Variants in ABL2 observed in about 807,000 individuals in gnomAD.
ABL2 encodes ABL proto-oncogene 2, non-receptor tyrosine kinase.
ABL2 carries 49 observed loss-of-function variants against 107.7 expected under a neutral mutation model. The ratio of observed to expected loss-of-function variants is 0.45; its 90% CI spans 0.36 to 0.58. The LOEUF (loss-of-function observed/expected upper bound fraction) is 0.58. Ranked by LOEUF, ABL2 falls within the 20% of genes least tolerant of loss-of-function variation. ABL2 has a pLI of 0.00. For missense variants in ABL2, 1,245 were observed against 1,457.0 expected (o/e 0.85, Z 2.37); for synonymous variants, 549 against 548.6 (o/e 1.00, Z -0.01).
intron 9 of ABL2, among the ~76,000 whole-genome samples, chr1:179,113,346 A>C (rs987119799): frequency 2.0e-5 from 3 of 152,220 alleles, no homozygotes; most frequent in Admixed American, 6.5e-5. Context: ...AAAAGAAGTA[A>C]AACCTGTCTT....
intron 1 of ABL2, among the ~76,000 whole-genome samples, chr1:179,156,835 G>A (rs138952313): frequency 4.6e-5 from 7 of 151,896 alleles, no homozygotes; most frequent in Non-Finnish European, 7.4e-5. Context: ...CTGAGATGGC[G>A]CCACTGCATT....
At chr1:179,110,184 G>C (rs1314181148) in intron 11 of ABL2, 98 bp downstream of exon 11, 5 of 1,410,896 alleles carry the variant, frequency 3.5e-6, no homozygotes, top group Non-Finnish European at 5.0e-6. Flanking sequence ...CTTTCCCCAG[G>C]GAGGACGGGC....
intron 1 of ABL2, among the ~76,000 whole-genome samples, chr1:179,134,421 CCATGGAGGCTG>C (rs1484714100): frequency 1.3e-5 from 2 of 151,514 alleles, no homozygotes; most frequent in African/African-American, 2.4e-5. Flanking sequence ...ATGGACTCGG[CCATGGAGGCTG>C]CGTGGAGGCT....
At chr1:179,129,170 C>A (rs1056046093) in intron 3 of ABL2, among the ~76,000 whole-genome samples, 1 of 151,978 alleles carries the variant, frequency 6.6e-6, no homozygotes, top group Non-Finnish European at 1.5e-5. Context: ...TTAAGAGAAA[C>A]CACTGTTGGT....
chr1:179,209,924 G>C (rs963503509), intron 1 of ABL2, among the ~76,000 whole-genome samples: 1 of 152,070 alleles, frequency 6.6e-6, no homozygotes, highest in Non-Finnish European at 1.5e-5. Context: ...ACCCAGACTG[G>C]AGTGCAGTGG....
At chr1:179,173,866 G>C (rs1162338666) in intron 1 of ABL2, among the ~76,000 whole-genome samples, 5 of 151,976 alleles carry the variant, frequency 3.3e-5, no homozygotes, top group Admixed American at 6.6e-5. Context: ...GAAAAAGAAT[G>C]AGATTTGAAC....
intron 1 of ABL2, among the ~76,000 whole-genome samples, chr1:179,191,285 T>C (rs912979006): frequency 5.9e-5 from 9 of 152,200 alleles, no homozygotes; most frequent in African/African-American, 9.7e-5. Flanking sequence ...CTGCCAGCTA[T>C]AAGGTAATAG....
chr1:179,154,374 A>G (rs1441586216), intron 1 of ABL2, among the ~76,000 whole-genome samples: 1 of 152,170 alleles, frequency 6.6e-6, no homozygotes, highest in African/African-American at 2.4e-5. Context: ...TTCTTCTCAC[A>G]AGGATCAAAC....
At position 179,136,340 on chromosome 1, in the gene ABL2, A is replaced by G. The variant is rs551441751; in HGVS notation, c.158-2966T>C. ...CTGTGTAGAAAGAGGTAGACATGGG[A>G]GACTTTTCATTTTGTTCTGTACTAA... On this transcript the variant is annotated intron_variant, in intron 1 of 11. Coordinates refer to ENST00000502732, the MANE Select transcript of ABL2 (RefSeq NM_007314.4). 8.3e-3 allele frequency among the ~76,000 whole-genome samples: 1,264 copies of G among 151,878 alleles called. 13 individuals are homozygous for G. Among genetic ancestry groups the G allele is most frequent in the South Asian group, 0.015 (74 of 4,816 alleles).
chr1:179,113,400 TA>T (rs1313198188), intron 9 of ABL2, among the ~76,000 whole-genome samples: 6 of 152,152 alleles, frequency 3.9e-5, no homozygotes, highest in Non-Finnish European at 8.8e-5. Flanking sequence ...CATTCAGAAA[TA>T]TAAAAGGATA....
intron 1 of ABL2, among the ~76,000 whole-genome samples, chr1:179,180,761 A>G (rs1162851828): frequency 6.6e-6 from 1 of 152,240 alleles, no homozygotes; most frequent in Non-Finnish European, 1.5e-5. Flanking sequence ...TTTAAAAGAA[A>G]AAAACCATCT....
intron 3 of ABL2, among the ~76,000 whole-genome samples, chr1:179,130,333 G>A (rs1421396532): frequency 6.6e-6 from 1 of 152,206 alleles, no homozygotes; most frequent in Non-Finnish European, 1.5e-5. Flanking sequence ...GCCTATCTGA[G>A]GACTGTTCAT....
intron 1 of ABL2, among the ~76,000 whole-genome samples, chr1:179,194,331 T>G (rs1661186480): frequency 6.6e-6 from 1 of 152,136 alleles, no homozygotes; most frequent in Non-Finnish European, 1.5e-5. Flanking sequence ...GCAAAGGAAG[T>G]TTTTATGGAA....
At chr1:179,223,375 A>G (rs1478067193) in intron 1 of ABL2, among the ~76,000 whole-genome samples, 2 of 150,966 alleles carry the variant, frequency 1.3e-5, no homozygotes, top group Non-Finnish European at 2.9e-5. Flanking sequence ...ATCATGCCAC[A>G]GCACTCCAGC....
intron 10 of ABL2, chr1:179,110,722 C>G (rs1195293786): frequency 1.2e-5 from 20 of 1,609,870 alleles, no homozygotes; most frequent in Non-Finnish European, 1.7e-5. Flanking sequence ...ACCTGTTCTC[C>G]TCTTGATGGA....
At position 179,175,320 on chromosome 1, in the gene ABL2, G is replaced by C. The variant is rs954701716; in HGVS notation, c.158-41946C>G. On this transcript the variant is annotated intron_variant, in intron 1 of 11. Transcript: ENST00000502732. ...CAATGCCAGAGAGAGAAAATAAAGA[G>C]AGGCAAGATGTTAGACCAGGCTGAC... Among the ~76,000 whole-genome samples the C allele has an allele frequency of 2.7e-5, 4 of 146,764 alleles. No homozygotes were observed. In the South Asian group the frequency reaches 8.5e-4, roughly 31 times the overall value.
intron 1 of ABL2, among the ~76,000 whole-genome samples, chr1:179,168,380 T>A (rs1207202964): frequency 1.3e-5 from 2 of 152,126 alleles, no homozygotes; most frequent in African/African-American, 2.4e-5. Flanking sequence ...ATACTGTATT[T>A]GTTATTTTTT....
chr1:179,126,829 G>C lies in ABL2; in HGVS notation c.392-157C>G, dbSNP rs1655769251. Among the ~76,000 whole-genome samples the C allele has an allele frequency of 6.6e-6, 1 of 150,660 alleles. No homozygotes were observed. The highest frequency in any genetic ancestry group is 2.1e-4 in the South Asian group (1 of 4,768). On this transcript the variant is annotated intron_variant, in intron 3 of 11. Coordinates refer to ENST00000502732, the MANE Select transcript of ABL2 (RefSeq NM_007314.4). This position sits in a 1 kb window ranked among gnomAD's most constrained non-coding sequence, Gnocchi z 4.4. Reference sequence around the variant, plus strand: ...TTAAATAATGAAAACAAACTTGGCTGTTCATCATATCCTGATTGCTCTCTT... The same window carrying C: ...TTAAATAATGAAAACAAACTTGGCTCTTCATCATATCCTGATTGCTCTCTT...
In ABL2 at chr1:179,226,043, C is replaced by CAAA. The variant is rs1194438803; in HGVS notation, c.157+3195_157+3197dup. On this transcript the variant is annotated intron_variant, in intron 1 of 11. Coordinates refer to ENST00000502732, the MANE Select transcript of ABL2 (RefSeq NM_007314.4). Reference sequence around the variant, plus strand: ...TGGGCGACAGAGTGAGACTCCGCCTCAAAAAAAAAAAAAAAAAAAAAAAAA... The same window carrying CAAA: ...TGGGCGACAGAGTGAGACTCCGCCTCAAAAAAAAAAAAAAAAAAAAAAAAAAAA... Among the ~76,000 whole-genome samples the CAAA allele has an allele frequency of 5.0e-3, 229 of 45,696 alleles. 24 individuals are homozygous for CAAA. The highest frequency in any genetic ancestry group is 0.018 in the African/African-American group (202 of 11,192). The allele number at this position is 45,696 out of a possible 152,430, so 30.0% of individuals were successfully genotyped here. A position where few individuals can be genotyped will look rare whatever the true frequency, so the allele number is the denominator to read the frequency against.
Sources: gnomAD v4.1 joint callset for allele counts (sites outside exome capture counted in the v4.1 genomes callset) on GRCh38, gnomAD v4.1.1 for gene constraint, Gnocchi (gnomAD v3.1) non-coding constraint, MANE v1.5 for transcripts, NCBI Gene and HGNC (gene_info 2026-07-23, HGNC 2026-07-21) for gene names.